MTA3: variants seen among roughly 807,000 people sequenced by gnomAD.
MTA3 encodes metastasis associated 1 family member 3.
In MTA3, 34 loss-of-function variants were observed where a neutral mutation model predicts 83.5. That is an observed-to-expected ratio of 0.41 (90% confidence interval 0.31 to 0.54). The LOEUF (loss-of-function observed/expected upper bound fraction) is 0.54. Ranked by LOEUF, MTA3 falls within the 20% of genes least tolerant of loss-of-function variation. The probability of loss-of-function intolerance (pLI) is 0.33; values close to 1 mark genes in which losing one functional copy is unlikely to be tolerated. For synonymous variants in MTA3, 303 were observed against 252.7 expected (o/e 1.20, Z -1.89); for missense variants, 761 against 726.4 (o/e 1.05, Z -0.55).
At chr2:42,724,752 A>G (rs116424847) in intron 16 of MTA3, among the ~76,000 whole-genome samples, 92 of 152,242 alleles carry the variant, frequency 6.0e-4, no homozygotes, top group African/African-American at 2.2e-3. Flanking sequence ...CTGGCCTGCA[A>G]TACCTCTTCT....
intron 8 of MTA3, among the ~76,000 whole-genome samples, chr2:42,663,086 C>A (rs1689882723): frequency 6.6e-6 from 1 of 152,202 alleles, no homozygotes; most frequent in East Asian, 1.9e-4. Context: ...CCTAATGTTG[C>A]ATGATCTTAT....
intron 9 of MTA3, among the ~76,000 whole-genome samples, chr2:42,689,765 A>G (rs1424943544): frequency 2.8e-5 from 4 of 144,258 alleles, no homozygotes; most frequent in African/African-American, 1.0e-4. Context: ...GATACTGATA[A>G]TTTGTGTCTT....
In MTA3 at chr2:42,584,663, T is replaced by C. The variant is rs370463689; in HGVS notation, c.190+5463T>C. The stretch of plus-strand genomic sequence containing the variant: ...TGATTACATGAGCCCAGGAATTAGA[T>C]ACCAGCCTGGACAGCACAGGAATAC... On this transcript the variant is annotated intron_variant, in intron 3 of 16. Transcript: ENST00000405094. Among the ~76,000 whole-genome samples the C allele has an allele frequency of 3.3e-4, 50 of 151,896 alleles. 1 individual carries two copies. In the South Asian group the frequency reaches 0.01, roughly 31 times the overall value.
intron 3 of MTA3, among the ~76,000 whole-genome samples, chr2:42,602,843 C>T: frequency 6.6e-6 from 1 of 152,308 alleles, no homozygotes; most frequent in Admixed American, 6.5e-5. Flanking sequence ...TTACCAAAGA[C>T]AGGGGCCCAG....
At position 42,588,954 on chromosome 2, in the gene MTA3, T is replaced by G. The variant is rs567607317; in HGVS notation, c.190+9754T>G. Among the ~76,000 whole-genome samples the G allele has an allele frequency of 1.1e-4, 17 of 152,282 alleles. No homozygotes were observed. The South Asian group carries it at 3.3e-3, about 30-fold the overall frequency. On this transcript the variant is annotated intron_variant, in intron 3 of 16. Coordinates refer to ENST00000405094, the MANE Select transcript of MTA3 (RefSeq NM_001330442.2). ...AGGCTGTCTGTTAGGTGGACATTTC[T>G]TCTTCAGGGAAGCCTTAGTTTTGCA...
At chr2:42,498,066 C>T (rs1223900953) in intron 2 of MTA3, among the ~76,000 whole-genome samples, 3 of 152,172 alleles carry the variant, frequency 2.0e-5, no homozygotes, top group African/African-American at 7.2e-5. Flanking sequence ...CCGTTTCCCC[C>T]AAAGCTTTAG....
chr2:42,568,048 C>A (rs1229804715), upstream of MTA3: 1 of 152,214 alleles, frequency 6.6e-6, no homozygotes, highest in Non-Finnish European at 1.5e-5. Context: ...GGGTCTCTGG[C>A]GAGGCGGGAA....
intron 9 of MTA3, among the ~76,000 whole-genome samples, chr2:42,684,087 G>A (rs918741802): frequency 3.3e-5 from 5 of 152,140 alleles, no homozygotes; most frequent in Non-Finnish European, 5.9e-5. Context: ...ATGCAGTGGG[G>A]TAAATACCAG....
chr2:42,647,008 T>G (rs913127746), intron 6 of MTA3, among the ~76,000 whole-genome samples: 1 of 150,730 alleles, frequency 6.6e-6, no homozygotes, highest in African/African-American at 2.4e-5. Context: ...TACAAAAAAT[T>G]AGCCGGGCGT....
intron 16 of MTA3, among the ~76,000 whole-genome samples, chr2:42,751,339 A>T (rs963612597): frequency 3.3e-4 from 50 of 152,350 alleles, no homozygotes; most frequent in African/African-American, 1.0e-3. Flanking sequence ...GAGAATAAAT[A>T]AACAAAAAGA....
chr2:42,521,917 G>T (rs1675446198), intron 2 of MTA3, among the ~76,000 whole-genome samples: 1 of 151,998 alleles, frequency 6.6e-6, no homozygotes, highest in Non-Finnish European at 1.5e-5. Context: ...ATCATGTCCA[G>T]CTAATTTTTG....
chr2:42,572,732 T>G (rs1678629741), intron 2 of MTA3, among the ~76,000 whole-genome samples: 1 of 152,062 alleles, frequency 6.6e-6, no homozygotes, highest in African/African-American at 2.4e-5. Context: ...TTTGTTTTGT[T>G]TTTTGTTTTT....
chr2:42,595,389 C>T (rs1320983744), intron 3 of MTA3, among the ~76,000 whole-genome samples: 5 of 152,094 alleles, frequency 3.3e-5, no homozygotes, highest in East Asian at 1.9e-4. Context: ...GGATTACAGA[C>T]GTGAGCCACT....
At chr2:42,682,227 A>G (rs865961054) in intron 8 of MTA3, among the ~76,000 whole-genome samples, 174 bp from the exon 9 acceptor site, 2 of 152,204 alleles carry the variant, frequency 1.3e-5, no homozygotes, top group Admixed American at 6.5e-5. Flanking sequence ...AGCATTTTCT[A>G]AAGCAATAAA....
At chr2:42,650,661 C>T (rs1014733315) in intron 6 of MTA3, among the ~76,000 whole-genome samples, 7 of 152,030 alleles carry the variant, frequency 4.6e-5, no homozygotes, top group East Asian at 3.9e-4. Flanking sequence ...AATCTCCTGA[C>T]GTCGTGATCT....
At chr2:42,578,574 A>T (rs1265451915) in intron 2 of MTA3, among the ~76,000 whole-genome samples, 5 of 152,226 alleles carry the variant, frequency 3.3e-5, no homozygotes, top group African/African-American at 1.2e-4. Flanking sequence ...TCTATTCTGC[A>T]TGATGGCTGC....
At chr2:42,538,705 T>A (rs1352888332) in intron 2 of MTA3, among the ~76,000 whole-genome samples, 1 of 143,594 alleles carries the variant, frequency 7.0e-6, no homozygotes, top group Non-Finnish European at 1.5e-5. Flanking sequence ...ATGATGACTC[T>A]TTCTAAAAAA....
chr2:42,644,325 G>GCAAT, intron 6 of MTA3, 81 bp downstream of exon 6: 1 of 860,810 alleles, frequency 1.2e-6, no homozygotes, highest in East Asian at 2.7e-5. Context: ...TGTAGAAGAG[G>GCAAT]CAATGTTCAG....
intron 6 of MTA3, among the ~76,000 whole-genome samples, chr2:42,647,463 G>A (rs539478223): frequency 6.6e-6 from 1 of 151,976 alleles, no homozygotes; most frequent in Non-Finnish European, 1.5e-5. Flanking sequence ...CTGACTTCAA[G>A]CGATCTGTCC....
Sources: allele counts gnomAD v4.1 joint callset (sites outside exome capture counted in the v4.1 genomes callset), GRCh38; gene constraint gnomAD v4.1.1; transcripts MANE v1.5; gene names NCBI Gene and HGNC (gene_info 2026-07-23, HGNC 2026-07-21).